Variants in DIP2A observed in about 807,000 individuals in gnomAD.
DIP2A encodes the protein disco-interacting protein 2 homolog A.
Under a neutral mutation model 177.4 loss-of-function variants are expected in DIP2A, and 85 were observed. That is an observed-to-expected ratio of 0.48 (90% CI 0.40 to 0.57). The LOEUF is 0.57. Among genes scored for constraint, DIP2A ranks in the 20% least tolerant of loss-of-function variants. The pLI is 0.00. For missense variants in DIP2A, 1,791 were observed against 2,100.2 expected, an observed-to-expected ratio of 0.85 and a Z score of 2.88; for synonymous variants, 886 against 881.8, an observed-to-expected ratio of 1.00 and a Z score of -0.08.
intron 1 of DIP2A, among the ~76,000 whole-genome samples, chr21:46,460,151 C>G (rs1355634338): frequency 6.6e-6 from 1 of 151,988 alleles, no homozygotes; most frequent in Admixed American, 6.5e-5. Context: ...ATGCAAAGCA[C>G]ATAACACTTA....
chr21:46,560,858 T>C (rs1039575614), intron 33 of DIP2A, 75 bp downstream of exon 33: 24 of 1,540,680 alleles, frequency 1.6e-5, no homozygotes, highest in Admixed American at 3.9e-5. Flanking sequence ...GCACTGACTA[T>C]GCACCCCCGG....
intron 8 of DIP2A, 73 bp downstream of exon 8, chr21:46,511,687 A>G: frequency 7.4e-7 from 1 of 1,352,450 alleles, no homozygotes; most frequent in South Asian, 1.6e-5. Flanking sequence ...CAGCATAGAC[A>G]TACAGCTTGA....
chr21:46,502,788 A>G (rs1312525819), intron 5 of DIP2A, among the ~76,000 whole-genome samples: 1 of 152,042 alleles, frequency 6.6e-6, no homozygotes, highest in Non-Finnish European at 1.5e-5. Context: ...CTGTGTATTC[A>G]TTGTTGTGGT....
chr21:46,558,502 T>C (rs2060552469), intron 32 of DIP2A, 109 bp downstream of exon 32: 17 of 1,097,660 alleles, frequency 1.5e-5, no homozygotes, highest in Non-Finnish European at 2.0e-5. Context: ...TATTTCTCCT[T>C]CTCTGGGCCT....
rs567377805 is a variant in DIP2A at position 46,554,056 on chromosome 21, C to T, written c.3031-113C>T. The T allele has an allele frequency of 3.0e-5, 40 of 1,344,292 alleles. No homozygotes were observed. The African/African-American group carries it at 3.4e-4, about 11-fold the overall frequency. The allele number at this position is 1,344,292 out of a possible 1,614,324, so 83.3% of individuals were successfully genotyped here. On this transcript the variant is annotated intron_variant, in intron 25 of 37. Coordinates refer to ENST00000417564, the MANE Select transcript of DIP2A (RefSeq NM_015151.4). ...ACTGACACATTGTCATTATCATGGACGCTAATCACAAGGTGTCGTGTGCAG... is the reference window on the plus strand; with the variant it reads ...ACTGACACATTGTCATTATCATGGATGCTAATCACAAGGTGTCGTGTGCAG...
At chr21:46,576,631 T>C in the DIP2A span, among the ~76,000 whole-genome samples, 1 of 152,196 alleles carries the variant, frequency 6.6e-6, no homozygotes, top group African/African-American at 2.4e-5. Flanking sequence ...TTCCGCTGGG[T>C]ATATACCCAG....
chr21:46,556,662 G>A lies in DIP2A; in HGVS notation c.3499-277G>A, dbSNP rs368842607. 1.8e-5 allele frequency: 6 copies of A among 329,992 alleles called. No individual in the cohort carries two copies. The highest frequency in any genetic ancestry group is 8.8e-5 in the African/African-American group (4 of 45,646). The allele number at this position is 329,992 out of a possible 1,614,324, so 20.4% of individuals were successfully genotyped here. A position where few individuals can be genotyped will look rare whatever the true frequency, so the allele number is the denominator to read the frequency against. On this transcript the variant is annotated intron_variant, in intron 29 of 37. Coordinates refer to ENST00000417564, the MANE Select transcript of DIP2A (RefSeq NM_015151.4). This position sits in a 1 kb window ranked among gnomAD's most constrained non-coding sequence, Gnocchi z 4.5. The stretch of plus-strand genomic sequence containing the variant: ...TGTGCCATTGCACTCCAGCCTGGGC[G>A]ACAGAGCAAGACTCTGCCTCAAAAA...
At chr21:46,542,888 C>T (rs375767159) in intron 18 of DIP2A, among the ~76,000 whole-genome samples, 255 of 152,360 alleles carry the variant, frequency 1.7e-3, no homozygotes, top group South Asian at 6.4e-3. Flanking sequence ...CTCTTGCAGG[C>T]GGCTGTGCTA....
chr21:46,479,291 G>A (rs1308867350), intron 1 of DIP2A, among the ~76,000 whole-genome samples: 1 of 152,144 alleles, frequency 6.6e-6, no homozygotes, highest in African/African-American at 2.4e-5. Flanking sequence ...GATCTTTTTA[G>A]TTGTTCCCAT....
chr21:46,497,087 T>C lies in DIP2A; in HGVS notation c.383T>C (p.Val128Ala). The part of the protein sequence containing the change: ...KRRSVLVHSS[V>A]ETYTPPDTSS... ...CGTTCTGTCCTTGTGCATTCGTCTG[T>C]GGAAACCTACACCCCTCCAGGTATT... Residue 128 changes from valine (V) to alanine (A), a missense_variant, in exon 4 of 38, where the codon GTG becomes GCG. Physicochemically the swap from Val to Ala is moderately conservative, Grantham distance 64. Coordinates refer to ENST00000417564, the MANE Select transcript of DIP2A (RefSeq NM_015151.4). 1.9e-6 allele frequency: 3 copies of C among 1,613,710 alleles called. No homozygotes were observed. The highest frequency in any genetic ancestry group is 2.5e-6 in the Non-Finnish European group (3 of 1,179,836).
At chr21:46,572,382 A>G (rs1324064031), downstream of DIP2A, among the ~76,000 whole-genome samples, 2 of 148,284 alleles carry the variant, frequency 1.3e-5, no homozygotes, top group East Asian at 3.9e-4. Flanking sequence ...CTTCACATTC[A>G]TTCACCACTT....
intron 8 of DIP2A, among the ~76,000 whole-genome samples, chr21:46,517,019 T>G (rs2148663638): frequency 6.6e-6 from 1 of 151,234 alleles, no homozygotes; most frequent in South Asian, 2.1e-4. Context: ...CTGTATCACC[T>G]TTGGGTCTGT....
chr21:46,554,710 G>A lies in DIP2A; in HGVS notation c.3276+14G>A. 6.4e-7 allele frequency: 1 copy of A among 1,558,306 alleles called. No homozygotes were observed. On this transcript the variant is annotated intron_variant, in intron 27 of 37. Transcript: ENST00000417564. ...ATGATCGTGGAGGTGCGCCTACCTG[G>A]CCCGCGGGTCAGAGTCTGTGAGTGG... is the stretch of plus-strand genomic sequence containing the variant.
intron 1 of DIP2A, among the ~76,000 whole-genome samples, chr21:46,475,133 G>A (rs1482187137): frequency 2.6e-5 from 4 of 152,146 alleles, no homozygotes; most frequent in African/African-American, 9.7e-5. Flanking sequence ...GCAGCTGAAA[G>A]GTTGGAAAAA....
At chr21:46,494,793 T>C (rs765620292) in intron 3 of DIP2A, among the ~76,000 whole-genome samples, 10 of 152,234 alleles carry the variant, frequency 6.6e-5, no homozygotes, top group Non-Finnish European at 1.5e-4. Context: ...GATATTCAGA[T>C]TGTCCCATTC....
chr21:46,554,853 A>G lies in DIP2A; in HGVS notation c.3308A>G (p.Gln1103Arg). The G allele has an allele frequency of 6.8e-7, 1 of 1,469,864 alleles. No individual in the cohort carries two copies. The highest frequency in any genetic ancestry group is 2.9e-5 in the East Asian group (1 of 34,660). 91.1% of individuals were successfully genotyped at this position (1,469,864 alleles called of 1,614,324 possible). The change falls in exon 28 of 38, where the codon CAG (glutamine) becomes CGG (arginine). Residue 1103 changes from glutamine (Q) to arginine (R), a missense_variant. By Grantham distance (43) the Gln-to-Arg change is conservative (BLOSUM62 1). Coordinates refer to ENST00000417564, the MANE Select transcript of DIP2A (RefSeq NM_015151.4). ...VSKSACVLTT[Q>R]AVTRLLRSKE... ...AAGTCTGCATGCGTCCTCACCACGC[A>G]GGCTGTCACACGGCTGCTCAGGTCC...
Position 46,537,283 on chromosome 21 carries a change from T to G in DIP2A, c.1702T>G (p.Leu568Val). 1 of 1,614,050 alleles carries G rather than the reference T, an allele frequency of 6.2e-7. No homozygotes were observed. Among genetic ancestry groups the G allele is most frequent in the Non-Finnish European group, 8.5e-7 (1 of 1,179,888 alleles). ...GGATGCTGGTCTGTGGCATGGCGTG[T>G]TAACAGTGAGTGTTGTTTGCTGATG... is the stretch of plus-strand genomic sequence containing the variant. ...KRDAGLWHGV[L>V]TSVMNRMHVV... Residue 568 changes from leucine (L) to valine (V), a missense_variant, in exon 14 of 38, where the codon TTA (leucine) becomes GTA (valine). Coordinates refer to ENST00000417564, the MANE Select transcript of DIP2A (RefSeq NM_015151.4). The surrounding 1 kb of genome is among the most constrained non-coding windows in gnomAD (Gnocchi z 4.1).
At chr21:46,514,562 T>A (rs556560620) in intron 8 of DIP2A, among the ~76,000 whole-genome samples, 52 of 151,766 alleles carry the variant, frequency 3.4e-4, no homozygotes, top group Non-Finnish European at 1.6e-4. Flanking sequence ...AAAATCACAT[T>A]ATTGGTGAAT....
At chr21:46,517,689 G>A (rs1473369323) in intron 8 of DIP2A, among the ~76,000 whole-genome samples, 1 of 152,246 alleles carries the variant, frequency 6.6e-6, no homozygotes, top group East Asian at 1.9e-4. Context: ...GTCTCCTGCT[G>A]CACACAGCCA....
Sources: gnomAD v4.1 joint callset for allele counts (sites outside exome capture counted in the v4.1 genomes callset) on GRCh38, gnomAD v4.1.1 for gene constraint, Gnocchi (gnomAD v3.1) non-coding constraint, MANE v1.5 for transcripts, NCBI Gene and HGNC (gene_info 2026-07-23, HGNC 2026-07-21) for gene names.